The following TNIP3 variants were observed in gnomAD, a reference collection of about 807,000 sequenced individuals.
TNIP3 encodes TNFAIP3-interacting protein 3.
A neutral mutation model predicts 54.1 loss-of-function variants in TNIP3; 34 were observed. That is an observed-to-expected ratio of 0.63 (90% CI 0.48 to 0.84). The LOEUF (loss-of-function observed/expected upper bound fraction) is 0.84. TNIP3 is among the 40% of genes least tolerant of loss of function. TNIP3 has a pLI of 0.00. For missense variants in TNIP3, 366 were observed against 387.6 expected, an observed-to-expected ratio of 0.94 and a Z score of 0.47; for synonymous variants, 134 against 136.8, an observed-to-expected ratio of 0.98 and a Z score of 0.14.
intron 2 of TNIP3, among the ~76,000 whole-genome samples, chr4:121,159,809 T>G (rs1730338097): frequency 6.6e-6 from 1 of 152,222 alleles, no homozygotes; most frequent in Admixed American, 6.5e-5. Context: ...TTGGGGAAGT[T>G]TGTAGTTTTC....
At chr4:121,217,415 A>T (rs571121960), upstream of TNIP3, among the ~76,000 whole-genome samples, 3 of 152,162 alleles carry the variant, frequency 2.0e-5, no homozygotes, top group African/African-American at 7.2e-5. Flanking sequence ...CATTTCAGCT[A>T]TTGGCAAGCT....
chr4:121,175,224 AC>A (rs1204228519), intron 3 of TNIP3, among the ~76,000 whole-genome samples: 1 of 152,218 alleles, frequency 6.6e-6, no homozygotes, highest in African/African-American at 2.4e-5. Flanking sequence ...CTTCAGATTT[AC>A]TTGCTGAAGT....
At chr4:121,169,480 T>C (rs113863098) in intron 3 of TNIP3, among the ~76,000 whole-genome samples, 6,712 of 152,278 alleles carry the variant, frequency 0.044, 491 homozygotes, top group African/African-American at 0.15. Flanking sequence ...CTTCTTTTTG[T>C]TGATTGCCTC....
At chr4:121,210,473 C>A (rs1370187302) in intron 2 of TNIP3, among the ~76,000 whole-genome samples, 1 of 152,066 alleles carries the variant, frequency 6.6e-6, no homozygotes, top group African/African-American at 2.4e-5. Context: ...TATAGATCAA[C>A]AAGAAAAGCA....
chr4:121,150,040 CA>C, intron 6 of TNIP3, 62 bp downstream of exon 6: 1 of 1,036,128 alleles, frequency 9.7e-7, no homozygotes. Context: ...TAAAAATGCC[CA>C]AAGAAGCATG....
Position 121,132,480 on chromosome 4 carries a change from G to T in TNIP3, c.*151C>A, listed in dbSNP as rs1332902333. The T allele has an allele frequency of 1.2e-5, 8 of 658,254 alleles. No individual in the cohort carries two copies. The highest frequency in any genetic ancestry group is 3.0e-5 in the Admixed American group (1 of 33,142). 40.8% of individuals were successfully genotyped at this position (658,254 alleles called of 1,614,324 possible). A position where few individuals can be genotyped will look rare whatever the true frequency, so the allele number is the denominator to read the frequency against. ...TCTTAGCTGTCAGAAGCCTTTTCCT[G>T]TATTCATACCAAAGGAAAACATGAC... is the stretch of plus-strand genomic sequence containing the variant. On this transcript the variant is annotated 3_prime_UTR_variant, in exon 11 of 11. Coordinates refer to ENST00000057513, the MANE Select transcript of TNIP3 (RefSeq NM_024873.6).
At chr4:121,183,399 C>T (rs1246024480) in intron 2 of TNIP3, among the ~76,000 whole-genome samples, 1 of 152,242 alleles carries the variant, frequency 6.6e-6, no homozygotes, top group Non-Finnish European at 1.5e-5. Flanking sequence ...TCTAGTCCAG[C>T]TGCTTCCCAG....
At chr4:121,197,388 C>T (rs889373213) in intron 2 of TNIP3, among the ~76,000 whole-genome samples, 3 of 151,824 alleles carry the variant, frequency 2.0e-5, no homozygotes, top group Non-Finnish European at 4.4e-5. Flanking sequence ...ATTAGCTGGG[C>T]GTGGTGGCGG....
intron 2 of TNIP3, among the ~76,000 whole-genome samples, chr4:121,188,994 G>A (rs923160686): frequency 6.6e-6 from 1 of 152,098 alleles, no homozygotes; most frequent in African/African-American, 2.4e-5. Context: ...TACATGGTAC[G>A]GTTGCCTCAT....
At chr4:121,208,060 C>T (rs1726281425) in intron 2 of TNIP3, among the ~76,000 whole-genome samples, 1 of 152,116 alleles carries the variant, frequency 6.6e-6, no homozygotes, top group South Asian at 2.1e-4. Context: ...GATTCTGAGG[C>T]CTTTCCAGCC....
Position 121,144,558 on chromosome 4 carries a change from T to C in TNIP3, c.736-1782A>G, listed in dbSNP as rs527322664. On this transcript the variant is annotated intron_variant, in intron 7 of 10. Coordinates refer to ENST00000057513, the MANE Select transcript of TNIP3 (RefSeq NM_024873.6). ...CTGTGATTACAGGCGCGTGCCACCATGCCCAGCTAATTTTTGTGCTTTTAG... is the reference window on the plus strand; with the variant it reads ...CTGTGATTACAGGCGCGTGCCACCACGCCCAGCTAATTTTTGTGCTTTTAG... Among the ~76,000 whole-genome samples the C allele has an allele frequency of 3.3e-5, 5 of 152,292 alleles. No homozygotes were observed. The South Asian group carries it at 8.3e-4, about 25-fold the overall frequency.
At chr4:121,208,682 TC>T (rs1726315385) in intron 2 of TNIP3, among the ~76,000 whole-genome samples, 1 of 152,186 alleles carries the variant, frequency 6.6e-6, no homozygotes, top group South Asian at 2.1e-4. Context: ...GCAAGGAGAA[TC>T]CATTGGGCTG....
intron 2 of TNIP3, among the ~76,000 whole-genome samples, chr4:121,203,314 C>T (rs983029894): frequency 1.8e-4 from 27 of 152,020 alleles, no homozygotes; most frequent in Admixed American, 9.2e-4. Flanking sequence ...TAATGGCATT[C>T]GCAGCAGCCT....
At chr4:121,222,673 A>G (rs1284178764) in intron 1 of TNIP3, among the ~76,000 whole-genome samples, 1 of 152,072 alleles carries the variant, frequency 6.6e-6, no homozygotes, top group African/African-American at 2.4e-5. Context: ...AATCTTCAAA[A>G]CTCACTGGAA....
intron 10 of TNIP3, chr4:121,137,836 G>A: frequency 4.9e-6 from 2 of 405,162 alleles, no homozygotes; most frequent in South Asian, 1.8e-5. Flanking sequence ...AAATTAACAA[G>A]TTAGAGTCCC....
At chr4:121,209,332 A>G (rs1295372617) in intron 2 of TNIP3, among the ~76,000 whole-genome samples, 1 of 152,216 alleles carries the variant, frequency 6.6e-6, no homozygotes, top group Non-Finnish European at 1.5e-5. Flanking sequence ...GTTGGTCAGA[A>G]GTATGGGTGG....
upstream of TNIP3, among the ~76,000 whole-genome samples, chr4:121,168,083 G>A (rs568011811): frequency 6.6e-6 from 1 of 152,208 alleles, no homozygotes; most frequent in African/African-American, 2.4e-5. Context: ...CAATCTATCT[G>A]AACATTTTGT....
chr4:121,164,340 A>G (rs1193978019), upstream of TNIP3: 3 of 1,316,852 alleles, frequency 2.3e-6, no homozygotes, highest in Non-Finnish European at 2.9e-6. Context: ...AAGCACTGCA[A>G]CTGGGATTTT....
At chr4:121,159,615 T>A (rs1370739412) in intron 2 of TNIP3, among the ~76,000 whole-genome samples, 1 of 152,242 alleles carries the variant, frequency 6.6e-6, no homozygotes, top group Non-Finnish European at 1.5e-5. Flanking sequence ...TAACACATGA[T>A]TTATAATAAA....
Sources: allele counts gnomAD v4.1 joint callset (sites outside exome capture counted in the v4.1 genomes callset), GRCh38; gene constraint gnomAD v4.1.1; transcripts MANE v1.5; gene names NCBI Gene and HGNC (gene_info 2026-07-23, HGNC 2026-07-21).